ANO3: variants seen among roughly 807,000 people sequenced by gnomAD.
ANO3 encodes anoctamin 3.
Under a neutral mutation model 144.8 loss-of-function variants are expected in ANO3, and 99 were observed. The observed-to-expected ratio is 0.68, with a 90% CI of 0.58 to 0.81. The LOEUF is 0.81. Ranked by LOEUF, ANO3 falls within the 30% of genes least tolerant of loss-of-function variation. The pLI, the probability that ANO3 is intolerant of heterozygous loss-of-function variation, is 0.00. For missense variants in ANO3, 905 were observed against 1,202.2 expected, an observed-to-expected ratio of 0.75 and a Z score of 3.66; for synonymous variants, 414 against 392.6, an observed-to-expected ratio of 1.05 and a Z score of -0.64.
At chr11:26,582,504 T>G (rs1242497745) in intron 14 of ANO3, among the ~76,000 whole-genome samples, 2 of 152,168 alleles carry the variant, frequency 1.3e-5, no homozygotes, top group African/African-American at 4.8e-5. Flanking sequence ...GGCTAGCCAG[T>G]AAGGAGATGG....
At chr11:26,247,984 GC>G (rs1476485724) in intron 1 of ANO3, among the ~76,000 whole-genome samples, 1 of 151,720 alleles carries the variant, frequency 6.6e-6, no homozygotes, top group Non-Finnish European at 1.5e-5. Context: ...GCCCGCCTCG[GC>G]CTCCCAAAGT....
At chr11:26,628,974 C>T (rs760198146) in intron 18 of ANO3, among the ~76,000 whole-genome samples, 6 of 152,084 alleles carry the variant, frequency 3.9e-5, no homozygotes, top group Admixed American at 1.3e-4. Flanking sequence ...TACACAAGTG[C>T]TTATCCAGCT....
chr11:26,633,478 A>T (rs766547284), intron 18 of ANO3, among the ~76,000 whole-genome samples: 8 of 152,124 alleles, frequency 5.3e-5, no homozygotes, highest in African/African-American at 1.9e-4. Flanking sequence ...TCTCTTTGCC[A>T]TTCCACTTCC....
At chr11:26,474,199 G>A (rs1027275893) in intron 4 of ANO3, 12 of 664,796 alleles carry the variant, frequency 1.8e-5, no homozygotes, top group Non-Finnish European at 2.0e-5. Context: ...ATGTAGAGAA[G>A]CCAATTGAGA....
chr11:26,260,953 G>A (rs925943415), intron 1 of ANO3, among the ~76,000 whole-genome samples: 4 of 152,262 alleles, frequency 2.6e-5, no homozygotes, highest in Non-Finnish European at 4.4e-5. Flanking sequence ...CCCAGAAAGA[G>A]CATGTGCATA....
At chr11:26,217,559 C>CTT (rs1852058983) in intron 1 of ANO3, among the ~76,000 whole-genome samples, 2 of 151,836 alleles carry the variant, frequency 1.3e-5, no homozygotes, top group South Asian at 4.1e-4. Context: ...TTTTACATAG[C>CTT]TTTTTGTGTC....
chr11:26,253,931 C>T (rs968778587), intron 1 of ANO3, among the ~76,000 whole-genome samples: 8 of 151,938 alleles, frequency 5.3e-5, no homozygotes, highest in African/African-American at 9.7e-5. Flanking sequence ...AAATGTCGAG[C>T]GAATTTTACA....
chr11:26,474,198 A>C (rs995917211), intron 4 of ANO3: 1 of 667,138 alleles, frequency 1.5e-6, no homozygotes, highest in Non-Finnish European at 1.9e-6. Flanking sequence ...TATGTAGAGA[A>C]GCCAATTGAG....
At chr11:26,542,796 T>C (rs1849678169) in intron 11 of ANO3, among the ~76,000 whole-genome samples, 1 of 152,026 alleles carries the variant, frequency 6.6e-6, no homozygotes, top group Non-Finnish European at 1.5e-5. Context: ...TTAGAGATCA[T>C]GAAATCTGTA....
intron 1 of ANO3, among the ~76,000 whole-genome samples, chr11:26,298,454 C>A (rs1388907461): frequency 6.6e-6 from 1 of 152,170 alleles, no homozygotes; most frequent in Non-Finnish European, 1.5e-5. Flanking sequence ...TATGGAATAA[C>A]TGTTCACTGA....
chr11:26,462,826 TAGGC>T (rs1324096476), intron 3 of ANO3, among the ~76,000 whole-genome samples, 200 bp from the exon 4 acceptor site: 1 of 151,848 alleles, frequency 6.6e-6, no homozygotes, highest in Non-Finnish European at 1.5e-5. Flanking sequence ...TAGTAAATAA[TAGGC>T]AGGCTTTCAC....
At chr11:26,294,067 T>C (rs936175349) in intron 1 of ANO3, among the ~76,000 whole-genome samples, 1 of 152,118 alleles carries the variant, frequency 6.6e-6, no homozygotes, top group African/African-American at 2.4e-5. Context: ...TGCAGGGAGA[T>C]GTGCAGTGGA....
intron 1 of ANO3, among the ~76,000 whole-genome samples, chr11:26,323,675 G>T (rs1212581733): frequency 6.6e-6 from 1 of 152,064 alleles, no homozygotes; most frequent in Non-Finnish European, 1.5e-5. Context: ...AAGAATAGAA[G>T]AAAATAACTT....
chr11:26,497,118 A>G (rs1860994152), intron 4 of ANO3, among the ~76,000 whole-genome samples: 1 of 151,652 alleles, frequency 6.6e-6, no homozygotes, highest in Non-Finnish European at 1.5e-5. Flanking sequence ...GTATATATGT[A>G]TACACGTATA....
At chr11:26,481,579 C>G (rs901870906) in intron 4 of ANO3, among the ~76,000 whole-genome samples, 1 of 152,132 alleles carries the variant, frequency 6.6e-6, no homozygotes, top group African/African-American at 2.4e-5. Context: ...CCTTGCACAG[C>G]TAAATAAATG....
chr11:26,329,889 C>T (rs867678284), upstream of ANO3, among the ~76,000 whole-genome samples: 4 of 151,608 alleles, frequency 2.6e-5, no homozygotes, highest in Middle Eastern at 3.4e-3. Flanking sequence ...CTAGGCTCAC[C>T]GCAAGCTCCG....
intron 1 of ANO3, among the ~76,000 whole-genome samples, chr11:26,192,862 G>C (rs1428765307): frequency 6.6e-6 from 1 of 152,094 alleles, no homozygotes; most frequent in Non-Finnish European, 1.5e-5. Context: ...GCCTCTTTGT[G>C]TTCCAGAGAT....
chr11:26,443,434 T>A (rs1025700987), intron 2 of ANO3, among the ~76,000 whole-genome samples: 1 of 151,800 alleles, frequency 6.6e-6, no homozygotes, highest in Non-Finnish European at 1.5e-5. Flanking sequence ...AAACCCTGTC[T>A]CTACTAAAAA....
intron 1 of ANO3, among the ~76,000 whole-genome samples, chr11:26,230,797 CAAAAAAAAAAAAAAAAAAAAAAAAAAAA>C (rs1168180646): frequency 2.6e-4 from 3 of 11,346 alleles, no homozygotes; most frequent in East Asian, 2.3e-3. Flanking sequence ...ACTCCATCTC[CAAAAAAAAAAAAAAAAAAAAAAAAAAAA>C]AAAAAAAAAA....
Sources: allele counts gnomAD v4.1 joint callset (sites outside exome capture counted in the v4.1 genomes callset), GRCh38; gene constraint gnomAD v4.1.1; transcripts MANE v1.5; gene names NCBI Gene and HGNC (gene_info 2026-07-23, HGNC 2026-07-21).